CTBP2: variants seen among roughly 807,000 people sequenced by gnomAD.
CTBP2 encodes the protein C-terminal binding protein 2.
Under a neutral mutation model 80.3 loss-of-function variants are expected in CTBP2, and 30 were observed. The observed-to-expected ratio is 0.37, with a 90% CI of 0.28 to 0.51. The LOEUF is 0.51. Among genes scored for constraint, CTBP2 ranks in the 20% least tolerant of loss-of-function variants. The probability of loss-of-function intolerance (pLI) is 0.93; values close to 1 mark genes in which losing one functional copy is unlikely to be tolerated. For synonymous variants in CTBP2, 594 were observed against 587.4 expected (o/e 1.01, Z -0.16); for missense variants, 1,212 against 1,375.3 (o/e 0.88, Z 1.88).
intron 1 of CTBP2, among the ~76,000 whole-genome samples, chr10:125,018,560 C>T (rs1243788870): frequency 7.6e-6 from 1 of 132,160 alleles, no homozygotes; most frequent in African/African-American, 2.7e-5. Context: ...AACCAACAAA[C>T]AAACAAACAA....
intron 2 of CTBP2, among the ~76,000 whole-genome samples, chr10:125,067,447 T>C (rs529960128): frequency 1.3e-5 from 2 of 152,164 alleles, no homozygotes; most frequent in East Asian, 3.9e-4. Flanking sequence ...CTCATACTAA[T>C]GTAATGTCAA....
intron 1 of CTBP2, among the ~76,000 whole-genome samples, chr10:125,118,944 A>T (rs1853839614): frequency 6.6e-6 from 1 of 152,198 alleles, no homozygotes; most frequent in Non-Finnish European, 1.5e-5. Context: ...GATGGTCAGG[A>T]ACCTGCCAGA....
chr10:125,080,451 C>T (rs1462329233), intron 2 of CTBP2, among the ~76,000 whole-genome samples: 1 of 152,140 alleles, frequency 6.6e-6, no homozygotes, highest in Non-Finnish European at 1.5e-5. Context: ...GTCCTCTGGC[C>T]GTTCTGGAAC....
chr10:125,160,986 T>TC (rs1451902357), upstream of CTBP2: 2 of 147,604 alleles, frequency 1.4e-5, no homozygotes, highest in African/African-American at 5.0e-5. Flanking sequence ...TGGCCGCAGC[T>TC]CCCGGTACCC....
At chr10:125,136,544 G>A (rs1173615237) in intron 1 of CTBP2, among the ~76,000 whole-genome samples, 1 of 152,188 alleles carries the variant, frequency 6.6e-6, no homozygotes, top group Non-Finnish European at 1.5e-5. Flanking sequence ...GTGCCTATAG[G>A]AGTGGGACAA....
At chr10:125,145,289 G>A (rs142502631) in intron 1 of CTBP2, among the ~76,000 whole-genome samples, 189 of 152,266 alleles carry the variant, frequency 1.2e-3, no homozygotes, top group African/African-American at 4.4e-3. Context: ...AGATGTTAGG[G>A]CTTCTCCATC....
At chr10:125,112,410 G>A (rs960171953) in intron 1 of CTBP2, among the ~76,000 whole-genome samples, 17 of 143,656 alleles carry the variant, frequency 1.2e-4, no homozygotes, top group Admixed American at 2.1e-4. Context: ...ACCGCGCCCA[G>A]CCATCATTCT....
At chr10:125,156,393 A>G (rs1049360429) in intron 1 of CTBP2, among the ~76,000 whole-genome samples, 4 of 152,234 alleles carry the variant, frequency 2.6e-5, no homozygotes, top group Admixed American at 2.0e-4. Flanking sequence ...CCATTGCTGT[A>G]AACTCTTTAA....
intron 1 of CTBP2, among the ~76,000 whole-genome samples, chr10:125,004,032 CA>C (rs1429556401): frequency 6.6e-6 from 1 of 152,208 alleles, no homozygotes; most frequent in African/African-American, 2.4e-5. Flanking sequence ...CTCAGGAGAG[CA>C]AACTTCTCAA....
chr10:125,093,461 A>G (rs926544176), intron 2 of CTBP2, among the ~76,000 whole-genome samples: 2 of 152,168 alleles, frequency 1.3e-5, no homozygotes, highest in Admixed American at 6.5e-5. Flanking sequence ...AAAAGGCACA[A>G]TGGTTAAAAT....
chr10:125,055,113 C>T (rs1388613456), intron 2 of CTBP2, among the ~76,000 whole-genome samples: 2 of 152,168 alleles, frequency 1.3e-5, no homozygotes, highest in African/African-American at 4.8e-5. Flanking sequence ...CTCCTAGACC[C>T]CCCTCTGAAT....
At chr10:125,085,538 A>C (rs1847849200) in intron 2 of CTBP2, among the ~76,000 whole-genome samples, 1 of 152,198 alleles carries the variant, frequency 6.6e-6, no homozygotes, top group Non-Finnish European at 1.5e-5. Context: ...TTTCCATCCC[A>C]GGCTCCAGGC....
intron 2 of CTBP2, among the ~76,000 whole-genome samples, chr10:125,091,298 G>A (rs374780041): frequency 2.0e-4 from 30 of 152,288 alleles, no homozygotes; most frequent in South Asian, 1.4e-3. Context: ...GACACCCTCC[G>A]TATGCTCAGA....
chr10:125,016,436 C>A (rs1052286201), intron 1 of CTBP2, among the ~76,000 whole-genome samples: 1 of 152,250 alleles, frequency 6.6e-6, no homozygotes. Flanking sequence ...ATGAACAACA[C>A]GTCCTCCCGC....
intron 1 of CTBP2, among the ~76,000 whole-genome samples, chr10:125,151,417 T>G (rs1591114187): frequency 6.6e-6 from 1 of 152,100 alleles, no homozygotes; most frequent in African/African-American, 2.4e-5. Flanking sequence ...CCTCGCTGTT[T>G]CCCACAGCAA....
chr10:125,067,899 G>A (rs555956622), intron 2 of CTBP2, among the ~76,000 whole-genome samples: 21 of 152,302 alleles, frequency 1.4e-4, no homozygotes, highest in South Asian at 1.2e-3. Flanking sequence ...AGAAGCCACC[G>A]GGCTGCAGAC....
At chr10:125,005,914 C>T (rs1955182083) in intron 1 of CTBP2, 1 of 1,509,560 alleles carries the variant, frequency 6.6e-7, no homozygotes, top group Middle Eastern at 2.4e-4. Context: ...GAAATCCAAG[C>T]TGTTCGTTAA....
At chr10:125,138,681 A>C (rs1045538141) in intron 1 of CTBP2, among the ~76,000 whole-genome samples, 21 of 152,050 alleles carry the variant, frequency 1.4e-4, no homozygotes, top group Non-Finnish European at 1.8e-4. Flanking sequence ...AAAAAAAAAA[A>C]AACAGACCAG....
At chr10:125,148,833 G>A (rs1242567504) in intron 1 of CTBP2, among the ~76,000 whole-genome samples, 1 of 152,216 alleles carries the variant, frequency 6.6e-6, no homozygotes, top group Non-Finnish European at 1.5e-5. Flanking sequence ...CCTGGCTTTT[G>A]TCACTTGAAG....
Sources: allele counts gnomAD v4.1 joint callset (sites outside exome capture counted in the v4.1 genomes callset), GRCh38; gene constraint gnomAD v4.1.1; transcripts MANE v1.5; gene names NCBI Gene and HGNC (gene_info 2026-07-23, HGNC 2026-07-21).